DLGAP2: variants seen among roughly 807,000 people sequenced by gnomAD.
The protein encoded by DLGAP2 is disks large-associated protein 2.
A neutral mutation model predicts 100.3 loss-of-function variants in DLGAP2; 26 were observed. The observed-to-expected ratio is 0.26, with a 90% confidence interval of 0.19 to 0.36. The LOEUF (loss-of-function observed/expected upper bound fraction) is 0.36, where lower values mean the gene tolerates loss of function less well. Ranked by LOEUF, DLGAP2 falls within the 10% of genes least tolerant of loss-of-function variation. The pLI, the probability that DLGAP2 is intolerant of heterozygous loss-of-function variation, is 1.00. For missense variants in DLGAP2, 1,858 were observed against 1,453.2 expected, an observed-to-expected ratio of 1.28 and a Z score of -4.53; for synonymous variants, 886 against 630.1, an observed-to-expected ratio of 1.41 and a Z score of -6.08.
At chr8:1,591,291 C>G (rs912248488) in intron 6 of DLGAP2, among the ~76,000 whole-genome samples, 5 of 140,674 alleles carry the variant, frequency 3.6e-5, no homozygotes, top group Admixed American at 7.3e-5. Flanking sequence ...CTCACACCCC[C>G]TCCCCCTCCC....
At chr8:1,501,862 G>C (rs1799735190) in intron 4 of DLGAP2, among the ~76,000 whole-genome samples, 1 of 152,302 alleles carries the variant, frequency 6.6e-6, no homozygotes, top group South Asian at 2.1e-4. Context: ...GAGTATGACT[G>C]TGCGCTTCCT....
intron 2 of DLGAP2, chr8:1,002,079 T>G (rs1463354131): frequency 6.6e-6 from 1 of 152,216 alleles, no homozygotes; most frequent in Non-Finnish European, 1.5e-5. Context: ...TTCCACCTGC[T>G]TAAATGAACG....
At chr8:1,581,125 C>T (rs1031602928) in intron 6 of DLGAP2, among the ~76,000 whole-genome samples, 1 of 151,204 alleles carries the variant, frequency 6.6e-6, no homozygotes, top group African/African-American at 2.4e-5. Context: ...GACAAAACAC[C>T]ACACATCTAC....
At chr8:849,142 G>A (rs1016732088) in intron 1 of DLGAP2, among the ~76,000 whole-genome samples, 2 of 151,662 alleles carry the variant, frequency 1.3e-5, no homozygotes, top group Non-Finnish European at 2.9e-5. Flanking sequence ...ATCATGTGAT[G>A]TGTGTTCCAG....
At chr8:1,333,342 C>G (rs1438432900) in intron 3 of DLGAP2, among the ~76,000 whole-genome samples, 1 of 152,148 alleles carries the variant, frequency 6.6e-6, no homozygotes, top group Non-Finnish European at 1.5e-5. Flanking sequence ...TCCCTGTCTC[C>G]CTTCCCTGGG....
chr8:1,164,513 G>A (rs917092114), intron 2 of DLGAP2, among the ~76,000 whole-genome samples: 4 of 152,080 alleles, frequency 2.6e-5, no homozygotes, highest in African/African-American at 9.7e-5. Flanking sequence ...ACCAGGTTGG[G>A]CGTGTGGGAA....
chr8:1,234,110 G>C (rs62486945), intron 2 of DLGAP2, among the ~76,000 whole-genome samples: 1 of 152,108 alleles, frequency 6.6e-6, no homozygotes, highest in Admixed American at 6.5e-5. Flanking sequence ...ATTGTAGCCT[G>C]TTGCTATAAA....
At chr8:805,903 C>T (rs1796259667) in intron 1 of DLGAP2, among the ~76,000 whole-genome samples, 1 of 152,230 alleles carries the variant, frequency 6.6e-6, no homozygotes, top group Non-Finnish European at 1.5e-5. Context: ...GGAACATAGC[C>T]AGCACCTACA....
At chr8:871,245 G>A (rs1196676410) in intron 1 of DLGAP2, among the ~76,000 whole-genome samples, 1 of 152,170 alleles carries the variant, frequency 6.6e-6, no homozygotes, top group African/African-American at 2.4e-5. Flanking sequence ...TTCTTCAGAT[G>A]GCCATCCAGT....
intron 2 of DLGAP2, among the ~76,000 whole-genome samples, chr8:1,225,111 G>A (rs968564189): frequency 1.3e-5 from 2 of 152,190 alleles, no homozygotes; most frequent in African/African-American, 4.8e-5. Flanking sequence ...GGAAATAGGT[G>A]CCCAAACCAG....
intron 2 of DLGAP2, among the ~76,000 whole-genome samples, chr8:1,172,944 G>A (rs1797161625): frequency 6.6e-6 from 1 of 152,194 alleles, no homozygotes. Context: ...TGCTTTGGAG[G>A]AGGAGAGGTG....
chr8:1,335,231 T>G (rs1734249417), intron 3 of DLGAP2, among the ~76,000 whole-genome samples: 1 of 152,154 alleles, frequency 6.6e-6, no homozygotes, highest in South Asian at 2.1e-4. Flanking sequence ...TCAGGAGGCT[T>G]CGAGCTCCAA....
At chr8:1,296,792 G>C (rs1800188506) in intron 3 of DLGAP2, among the ~76,000 whole-genome samples, 1 of 152,188 alleles carries the variant, frequency 6.6e-6, no homozygotes, top group Non-Finnish European at 1.5e-5. Flanking sequence ...TGTGCAGATG[G>C]TGTGGTGGGT....
chr8:1,448,530 G>A (rs1317556375), intron 3 of DLGAP2, among the ~76,000 whole-genome samples: 7 of 152,164 alleles, frequency 4.6e-5, no homozygotes, highest in Admixed American at 1.3e-4. Flanking sequence ...TTTGGAATAG[G>A]TGTGGTGTGG....
At chr8:1,130,466 C>G (rs979773293) in intron 2 of DLGAP2, among the ~76,000 whole-genome samples, 5 of 152,130 alleles carry the variant, frequency 3.3e-5, no homozygotes, top group African/African-American at 7.2e-5. Flanking sequence ...AACCGCCGTA[C>G]GCTTGAGATA....
rs186777278 is a variant in DLGAP2, at chr8:1,117,204, A to T, written c.74-141647A>T. ...CTGTTTGACCTGTCTTCTTGAGGTG[A>T]GCCTGTGGACAAAGCACAGTGCCGA... On this transcript the variant is annotated intron_variant, in intron 2 of 14. Transcript: ENST00000637795. 3.6e-3 allele frequency among the ~76,000 whole-genome samples: 555 copies of T among 152,236 alleles called. 2 individuals are homozygous for T. The highest frequency in any genetic ancestry group is 5.8e-3 in the Non-Finnish European group (395 of 68,012).
chr8:1,494,593 G>A (rs1223458600), intron 3 of DLGAP2, among the ~76,000 whole-genome samples: 2 of 152,172 alleles, frequency 1.3e-5, no homozygotes, highest in Non-Finnish European at 2.9e-5. Context: ...GCCGAGCGTG[G>A]TGTCAGGCGC....
chr8:1,186,467 A>C (rs1048187208), intron 2 of DLGAP2, among the ~76,000 whole-genome samples: 7 of 152,170 alleles, frequency 4.6e-5, no homozygotes, highest in African/African-American at 1.7e-4. Flanking sequence ...TTCACGCCCT[A>C]AGCCAGCGAG....
intron 2 of DLGAP2, among the ~76,000 whole-genome samples, chr8:1,173,486 G>A (rs987676256): frequency 3.9e-5 from 6 of 152,334 alleles, no homozygotes; most frequent in Admixed American, 3.9e-4. Context: ...GCCCCCAGAG[G>A]TGTAGCCTAC....
Sources: allele counts gnomAD v4.1 joint callset (sites outside exome capture counted in the v4.1 genomes callset), GRCh38; gene constraint gnomAD v4.1.1; transcripts MANE v1.5; gene names NCBI Gene and HGNC (gene_info 2026-07-23, HGNC 2026-07-21).